Variants in TMEM132D observed in about 807,000 individuals in gnomAD.
TMEM132D encodes the protein transmembrane protein 132D.
TMEM132D carries 21 observed loss-of-function variants against 62.3 expected under a neutral mutation model. That is an observed-to-expected ratio of 0.34 (90% CI 0.24 to 0.49). The LOEUF is 0.49. Among genes scored for constraint, TMEM132D ranks in the 20% least tolerant of loss-of-function variants. The pLI is 0.99. For synonymous variants in TMEM132D, 621 were observed against 575.6 expected (o/e 1.08, Z -1.13); for missense variants, 1,346 against 1,402.8 (o/e 0.96, Z 0.65).
At chr12:129,296,310 T>C (rs1440633870) in intron 4 of TMEM132D, among the ~76,000 whole-genome samples, 1 of 152,200 alleles carries the variant, frequency 6.6e-6, no homozygotes, top group Non-Finnish European at 1.5e-5. Flanking sequence ...TATGAAGAGA[T>C]GCTTGGTGAG....
chr12:129,682,681 A>C (rs1880807794), intron 2 of TMEM132D, among the ~76,000 whole-genome samples: 1 of 151,846 alleles, frequency 6.6e-6, no homozygotes, highest in Non-Finnish European at 1.5e-5. Context: ...AACACAGTGA[A>C]ATCCTGTCTC....
rs147184648 is a variant in TMEM132D, at chr12:129,530,682, T to C, written c.1115+377A>G. 6.0e-4 allele frequency among the ~76,000 whole-genome samples: 92 copies of C among 152,356 alleles called. 3 individuals carry two copies. In the East Asian group the frequency reaches 0.016, roughly 26 times the overall value. On this transcript the variant is annotated intron_variant, in intron 3 of 8. Coordinates refer to ENST00000422113, the MANE Select transcript of TMEM132D (RefSeq NM_133448.3). ...ATGCACCCGTGTGAAGAGAGACGTA[T>C]AGGCTCTGGTTTCTAACACTTGCAA...
At chr12:129,837,544 CCAAATAGAAGGA>C in intron 1 of TMEM132D, among the ~76,000 whole-genome samples, 2 of 152,306 alleles carry the variant, frequency 1.3e-5, no homozygotes, top group East Asian at 3.9e-4. Flanking sequence ...GGCAACTTCT[CCAAATAGAAGGA>C]TTTATGCTTT....
rs369816529 is a variant in TMEM132D at position 129,700,216 on chromosome 12, C to T, written c.562G>A (p.Asp188Asn). 962 of 1,612,844 alleles carry T rather than the reference C, an allele frequency of 6.0e-4. 11 individuals carry two copies. The South Asian group carries it at 7.0e-3, about 12-fold the overall frequency. The part of the protein sequence containing the change: ...EVRGSCRLQG[D>N]LGLCVAELEL... ...AGCTCGGCCACGCACAGCCCCAGGT[C>T]CCCCTGCAGCCGGCAGCTGCCCCGC... The change falls in exon 2 of 9, where the codon GAC (aspartate) becomes AAC (asparagine). Residue 188 changes from aspartate to asparagine, a missense_variant. Physicochemically the swap from Asp to Asn is conservative, Grantham distance 23. Coordinates refer to ENST00000422113, the MANE Select transcript of TMEM132D (RefSeq NM_133448.3).
intron 5 of TMEM132D, among the ~76,000 whole-genome samples, chr12:129,127,869 C>T (rs910502411): frequency 8.5e-5 from 13 of 152,208 alleles, no homozygotes; most frequent in African/African-American, 2.4e-4. Flanking sequence ...CCAGGGCCAG[C>T]GGCCTGCAGA....
rs537890252 is a variant in TMEM132D at position 129,218,923 on chromosome 12, G to A, written c.1300-9260C>T. Among the ~76,000 whole-genome samples the A allele has an allele frequency of 6.6e-5, 10 of 152,282 alleles. No homozygotes were observed. In the East Asian group the frequency reaches 1.2e-3, roughly 18 times the overall value. ...GTTGCAGTGGTGCCCAGAGGAACTCGATTTACAGAGGGAGGATTCTCCCAG... is the reference window on the plus strand; with the variant it reads ...GTTGCAGTGGTGCCCAGAGGAACTCAATTTACAGAGGGAGGATTCTCCCAG... On this transcript the variant is annotated intron_variant, in intron 4 of 8. Coordinates refer to ENST00000422113, the MANE Select transcript of TMEM132D (RefSeq NM_133448.3).
intron 3 of TMEM132D, among the ~76,000 whole-genome samples, chr12:129,446,564 C>T (rs1036232906): frequency 9.2e-5 from 14 of 152,132 alleles, no homozygotes; most frequent in African/African-American, 2.7e-4. Flanking sequence ...ATTTAATGTC[C>T]ATTTTGTCCC....
chr12:129,202,153 C>G (rs1342846700), intron 5 of TMEM132D, among the ~76,000 whole-genome samples: 1 of 152,180 alleles, frequency 6.6e-6, no homozygotes, highest in Admixed American at 6.5e-5. Flanking sequence ...CCCACACCAG[C>G]CTGTTGGGCT....
At chr12:129,475,790 T>C (rs73151094) in intron 3 of TMEM132D, among the ~76,000 whole-genome samples, 35,461 of 152,224 alleles carry the variant, frequency 0.23, 4,244 homozygotes, top group East Asian at 0.38. Context: ...TAAAGACAGA[T>C]GCTGTGAGCA....
chr12:129,616,996 G>A (rs1878936519), intron 2 of TMEM132D, among the ~76,000 whole-genome samples: 2 of 152,164 alleles, frequency 1.3e-5, no homozygotes, highest in South Asian at 4.1e-4. Flanking sequence ...TTTTTTGCAT[G>A]CATCATTCAT....
chr12:129,597,201 A>T (rs2137139712), intron 2 of TMEM132D, among the ~76,000 whole-genome samples: 1 of 152,266 alleles, frequency 6.6e-6, no homozygotes, highest in South Asian at 2.1e-4. Context: ...CACAGAACCC[A>T]CAGACACAGA....
intron 2 of TMEM132D, among the ~76,000 whole-genome samples, chr12:129,662,192 G>T (rs766758091): frequency 2.6e-5 from 4 of 152,184 alleles, no homozygotes; most frequent in Non-Finnish European, 5.9e-5. Flanking sequence ...GAGGATGAAG[G>T]TATGTCTAAC....
intron 1 of TMEM132D, among the ~76,000 whole-genome samples, chr12:129,759,292 G>T (rs574516637): frequency 6.6e-6 from 1 of 152,246 alleles, no homozygotes; most frequent in East Asian, 1.9e-4. Context: ...TACCAATTTG[G>T]ACAAAATTAA....
At chr12:129,119,265 G>A (rs113485660) in intron 5 of TMEM132D, among the ~76,000 whole-genome samples, 319 of 152,218 alleles carry the variant, frequency 2.1e-3, no homozygotes, top group African/African-American at 7.0e-3. Flanking sequence ...GTGCTAAGTC[G>A]GTGCTATTAG....
rs1343379812 is a variant in TMEM132D, at chr12:129,768,547, CA to C, written c.80-67850del. 3.3e-5 allele frequency among the ~76,000 whole-genome samples: 5 copies of C among 151,960 alleles called. No individual in the cohort carries two copies. The East Asian group carries it at 9.8e-4, about 30-fold the overall frequency. On this transcript the variant is annotated intron_variant, in intron 1 of 8. Transcript: ENST00000422113. ...GGAGTTCTACTTCTAGGTATATGTA[CA>C]AAAGAATTGAAAACAGAATCACCTC...
At chr12:129,651,154 T>C (rs1879917944) in intron 2 of TMEM132D, among the ~76,000 whole-genome samples, 1 of 152,200 alleles carries the variant, frequency 6.6e-6, no homozygotes, top group Non-Finnish European at 1.5e-5. Context: ...TATGTGTGTT[T>C]GTGTGTGTGA....
chr12:129,376,011 A>AT lies in TMEM132D; in HGVS notation c.1116-38195dup, dbSNP rs1182361081. ...GAGTTGGAAACAAGTGGTGTTAAAC[A>AT]TTTTTGGGCAGAAACAGTGATGCTT... On this transcript the variant is annotated intron_variant, in intron 3 of 8. Coordinates refer to ENST00000422113, the MANE Select transcript of TMEM132D (RefSeq NM_133448.3). Among the ~76,000 whole-genome samples the AT allele has an allele frequency of 9.8e-5, 15 of 152,294 alleles. No individual in the cohort carries two copies. The South Asian group carries it at 1.0e-3, about 11-fold the overall frequency.
chr12:129,187,969 A>G (rs941515875), intron 5 of TMEM132D, among the ~76,000 whole-genome samples: 2 of 152,256 alleles, frequency 1.3e-5, no homozygotes, highest in Non-Finnish European at 2.9e-5. Context: ...AAAGAAGAAT[A>G]TTCGTGAAAT....
intron 3 of TMEM132D, among the ~76,000 whole-genome samples, chr12:129,408,939 T>C (rs975846722): frequency 1.6e-4 from 24 of 152,170 alleles, no homozygotes; most frequent in African/African-American, 5.6e-4. Context: ...GTTTTTCATT[T>C]TTTGTTTTTT....
Sources: gnomAD v4.1 joint callset for allele counts (sites outside exome capture counted in the v4.1 genomes callset) on GRCh38, gnomAD v4.1.1 for gene constraint, MANE v1.5 for transcripts, NCBI Gene and HGNC (gene_info 2026-07-23, HGNC 2026-07-21) for gene names.